IKZF4: variants seen among roughly 807,000 people sequenced by gnomAD.
The protein encoded by IKZF4 is IKAROS family zinc finger 4, also known as zinc finger protein Eos.
A neutral mutation model predicts 47.7 loss-of-function variants in IKZF4; 11 were observed. The observed-to-expected ratio is 0.23, with a 90% CI of 0.15 to 0.38. IKZF4 has a LOEUF of 0.38. Among genes scored for constraint, IKZF4 ranks in the 10% least tolerant of loss-of-function variants. IKZF4 has a pLI of 1.00. For synonymous variants in IKZF4, 298 were observed against 299.4 expected (o/e 1.00, Z 0.05); for missense variants, 557 against 784.9 (o/e 0.71, Z 3.47).
intron 4 of IKZF4, 56 bp downstream of exon 4, chr12:56,027,097 G>A: frequency 7.0e-7 from 1 of 1,429,346 alleles, no homozygotes; most frequent in South Asian, 1.6e-5. Context: ...TGAGAGGCAG[G>A]GGCAGTGCTG....
At chr12:56,015,834 A>G (rs1565811439) in intron 2 of IKZF4, among the ~76,000 whole-genome samples, 1 of 152,142 alleles carries the variant, frequency 6.6e-6, no homozygotes, top group Non-Finnish European at 1.5e-5. Flanking sequence ...AGTTCCAGAG[A>G]GTCTGAGTTC....
intron 1 of IKZF4, 125 bp from the exon 2 acceptor site, chr12:56,023,546 A>T: frequency 8.7e-7 from 1 of 1,151,390 alleles, no homozygotes; most frequent in Non-Finnish European, 1.2e-6. Context: ...CTTTTTCTAT[A>T]GATAGTGAAC....
At chr12:56,023,793 G>A (rs750120955) in intron 2 of IKZF4, 29 bp downstream of exon 2, 1 of 1,607,722 alleles carries the variant, frequency 6.2e-7, no homozygotes, top group Non-Finnish European at 8.5e-7. Flanking sequence ...GGGCAATTGG[G>A]TAAAGTACTA....
In IKZF4 at chr12:56,025,147, G is replaced by T. The variant is rs762523605; in HGVS notation, c.275G>T (p.Arg92Leu). The change falls in exon 3 of 8, where the codon CGC becomes CTC. Residue 92 changes from arginine to leucine, a missense_variant. By Grantham distance (102) the Arg-to-Leu change is moderately radical (BLOSUM62 -2). Transcript: ENST00000547167. ...TPNSQHSSPS[R>L]SLSANSIKVE... ...AACAGCCAGCACTCTTCTCCTAGCC[G>T]CTCACTCAGTGGTAAGTGTAACCTC... The T allele has an allele frequency of 3.1e-6, 5 of 1,592,164 alleles. No individual in the cohort carries two copies. Among genetic ancestry groups the T allele is most frequent in the South Asian group, 1.1e-5 (1 of 87,668 alleles).
At chr12:56,014,850 C>T (rs759055219) in intron 2 of IKZF4, among the ~76,000 whole-genome samples, 7 of 152,046 alleles carry the variant, frequency 4.6e-5, no homozygotes, top group Non-Finnish European at 1.0e-4. Context: ...CCTTGAGTAG[C>T]CTGGCTTTTG....
chr12:56,017,456 T>C (rs1211573997), upstream of IKZF4, among the ~76,000 whole-genome samples: 1 of 152,062 alleles, frequency 6.6e-6, no homozygotes, highest in Admixed American at 6.6e-5. Context: ...ACCCAGCTTC[T>C]TAATACTACC....
At chr12:56,025,920 A>C (rs1893901520) in intron 3 of IKZF4, among the ~76,000 whole-genome samples, 1 of 152,086 alleles carries the variant, frequency 6.6e-6, no homozygotes, top group Non-Finnish European at 1.5e-5. Context: ...CAGCGACAGA[A>C]GACATCCTAT....
intron 7 of IKZF4, 106 bp downstream of exon 7, chr12:56,033,427 G>A: frequency 6.9e-7 from 1 of 1,444,228 alleles, no homozygotes; most frequent in African/African-American, 1.4e-5. Flanking sequence ...AGTCTGGTGG[G>A]CTGGGTGCAG....
chr12:56,017,092 C>T (rs758714728), upstream of IKZF4, among the ~76,000 whole-genome samples: 4 of 151,808 alleles, frequency 2.6e-5, no homozygotes, highest in South Asian at 2.1e-4. Context: ...CCCACAGGCT[C>T]CTAAAGAGAT....
At chr12:56,013,451 CT>C (rs1473940497) in intron 2 of IKZF4, among the ~76,000 whole-genome samples, 1 of 152,176 alleles carries the variant, frequency 6.6e-6, no homozygotes, top group African/African-American at 2.4e-5. Context: ...TTGCCTCAGC[CT>C]CCCAGAGTGC....
At chr12:56,016,547 A>G (rs1892095063), upstream of IKZF4, among the ~76,000 whole-genome samples, 1 of 141,864 alleles carries the variant, frequency 7.0e-6, no homozygotes. Flanking sequence ...TCAGCCTCCC[A>G]AGTACCTGGG....
In IKZF4 at chr12:56,034,830, A is replaced by T; in HGVS notation, c.1257A>T (p.Arg419=). 6.2e-7 allele frequency: 1 copy of T among 1,613,888 alleles called. No homozygotes were observed. Among genetic ancestry groups the T allele is most frequent in the South Asian group, 1.1e-5 (1 of 91,076 alleles). The part of the protein sequence containing the change: ...LPGRLELPGS[R]EAGEGPEDLA... ...GTCGACTGGAGCTTCCAGGATCCCGAGAAGCAGGTGAGGGACCTGAGGACC... is the reference window on the plus strand; with the variant it reads ...GTCGACTGGAGCTTCCAGGATCCCGTGAAGCAGGTGAGGGACCTGAGGACC... The change falls in exon 8 of 8, where the codon CGA becomes CGT. Residue 419 remains arginine (R), a synonymous_variant. Coordinates refer to ENST00000547167, the MANE Select transcript of IKZF4 (RefSeq NM_022465.4).
chr12:56,018,370 T>C (rs1430980764), upstream of IKZF4, among the ~76,000 whole-genome samples: 1 of 152,196 alleles, frequency 6.6e-6, no homozygotes, highest in Non-Finnish European at 1.5e-5. Flanking sequence ...TAATTTTCTT[T>C]TCCAGACTTC....
chr12:56,033,802 G>A (rs1349841558), intron 7 of IKZF4, among the ~76,000 whole-genome samples: 1 of 152,204 alleles, frequency 6.6e-6, no homozygotes, highest in Admixed American at 6.5e-5. Context: ...AGTAAAGAGG[G>A]AGGATGTACT....
intron 2 of IKZF4, among the ~76,000 whole-genome samples, chr12:56,014,242 G>A (rs566523579): frequency 2.6e-4 from 40 of 152,170 alleles, no homozygotes; most frequent in African/African-American, 9.4e-4. Context: ...TACTGATTTT[G>A]CCCAAGATGT....
At position 56,021,522 on chromosome 12, in the gene IKZF4, G is replaced by A. The variant is rs747973126; in HGVS notation, c.29G>A (p.Arg10His). The A allele has an allele frequency of 1.9e-6, 3 of 1,608,416 alleles. No homozygotes were observed. The highest frequency in any genetic ancestry group is 1.1e-5 in the South Asian group (1 of 89,850). The change falls in exon 1 of 8, where the codon CGT becomes CAT. Residue 10 changes from arginine to histidine, a missense_variant. This residue lies in a region of IKZF4 where 44 missense variants were observed against 39.7 expected (regional missense o/e 1.11). Transcript: ENST00000547167. Reference protein sequence around the residue: MHTPPALPRRFQGGGRVRTP... With the variant: MHTPPALPRHFQGGGRVRTP... The stretch of plus-strand genomic sequence containing the variant: ...CATACACCACCCGCACTCCCTCGCC[G>A]TTTCCAAGGCGGCGGCCGCGTTCGC...
At chr12:56,019,470 GGTA>G, upstream of IKZF4, 1 of 537,904 alleles carries the variant, frequency 1.9e-6, no homozygotes, top group Non-Finnish European at 2.4e-6. Flanking sequence ...AGTTGGAATG[GGTA>G]AAGGCATTCA....
Position 56,035,180 on chromosome 12 carries a change from G to A in IKZF4, c.1607G>A (p.Arg536His), listed in dbSNP as rs371258162. The change falls in exon 8 of 8, where the codon CGT (arginine) becomes CAT (histidine). Residue 536 changes from arginine (R) to histidine (H), a missense_variant. By Grantham distance (29) the Arg-to-His change is conservative. This residue lies in a region of IKZF4 where 280 missense variants were observed against 314.0 expected (regional missense o/e 0.89). Transcript: ENST00000547167. The surrounding 1 kb of genome is among the most constrained non-coding windows in gnomAD (Gnocchi z 6.1). The part of the protein sequence containing the change: ...PVKAFKCEHC[R>H]ILFLDHVMFT... Reference sequence around the variant, plus strand: ...AAGGCCTTCAAGTGTGAGCACTGCCGTATCCTCTTCCTGGACCACGTCATG... The same window carrying A: ...AAGGCCTTCAAGTGTGAGCACTGCCATATCCTCTTCCTGGACCACGTCATG... The A allele has an allele frequency of 5.9e-5, 95 of 1,614,064 alleles. No individual in the cohort carries two copies. The highest frequency in any genetic ancestry group is 6.7e-5 in the Non-Finnish European group (79 of 1,180,032).
intron 3 of IKZF4, among the ~76,000 whole-genome samples, chr12:56,026,144 C>G (rs1893946060): frequency 6.6e-6 from 1 of 152,012 alleles, no homozygotes; most frequent in Admixed American, 6.6e-5. Flanking sequence ...CCATGTTGGC[C>G]AGGCTGGTCT....
Sources: allele counts gnomAD v4.1 joint callset (sites outside exome capture counted in the v4.1 genomes callset), GRCh38; gene constraint gnomAD v4.1.1; regional missense constraint gnomAD v4.1.1; non-coding constraint Gnocchi (gnomAD v3.1); transcripts MANE v1.5; gene names NCBI Gene and HGNC (gene_info 2026-07-23, HGNC 2026-07-21).